The following PACRG variants were observed in gnomAD, a reference collection of about 807,000 sequenced individuals.
The protein encoded by PACRG is parkin coregulated.
In PACRG, 29 loss-of-function variants were observed where a neutral mutation model predicts 29.7. The ratio of observed to expected loss-of-function variants is 0.98; its 90% CI spans 0.73 to 1.33. The LOEUF (loss-of-function observed/expected upper bound fraction) is 1.33. Among genes scored for constraint, PACRG ranks in the 40% most tolerant of loss-of-function variants. The pLI is 0.00. For missense variants in PACRG, 279 were observed against 316.2 expected (o/e 0.88, Z 0.89); for synonymous variants, 116 against 118.7 (o/e 0.98, Z 0.15).
chr6:162,935,005 T>C (rs1486839608), intron 2 of PACRG, among the ~76,000 whole-genome samples: 1 of 152,218 alleles, frequency 6.6e-6, no homozygotes, highest in Non-Finnish European at 1.5e-5. Flanking sequence ...TTTGAAGATA[T>C]CATCCTGTTC....
chr6:162,938,384 A>G (rs915559899), intron 2 of PACRG, among the ~76,000 whole-genome samples: 4 of 152,226 alleles, frequency 2.6e-5, no homozygotes, highest in African/African-American at 9.6e-5. Flanking sequence ...TCTTTTTCGT[A>G]TAATGACTTC....
chr6:163,130,314 C>G (rs114717021), intron 4 of PACRG, among the ~76,000 whole-genome samples: 8 of 152,120 alleles, frequency 5.3e-5, no homozygotes, highest in South Asian at 2.1e-4. Flanking sequence ...TCCGGAGAAC[C>G]CTCCTTTCTC....
At chr6:163,081,593 C>T (rs1813080205) in intron 3 of PACRG, among the ~76,000 whole-genome samples, 1 of 152,022 alleles carries the variant, frequency 6.6e-6, no homozygotes, top group African/African-American at 2.4e-5. Flanking sequence ...CCCATCTCTA[C>T]AAATATAAAA....
intron 1 of PACRG, among the ~76,000 whole-genome samples, chr6:162,788,438 C>T (rs1229456032): frequency 6.6e-6 from 1 of 152,096 alleles, no homozygotes; most frequent in Non-Finnish European, 1.5e-5. Context: ...TGGTTCCTTC[C>T]AAGTTTTGGG....
chr6:163,260,127 C>T (rs1198167638), intron 4 of PACRG, among the ~76,000 whole-genome samples: 2 of 152,210 alleles, frequency 1.3e-5, no homozygotes, highest in African/African-American at 4.8e-5. Context: ...CTTCCCTTCC[C>T]GATGTTTTCC....
chr6:162,835,794 A>G (rs1789174966), intron 2 of PACRG, among the ~76,000 whole-genome samples: 1 of 152,148 alleles, frequency 6.6e-6, no homozygotes, highest in African/African-American at 2.4e-5. Flanking sequence ...CTACCATTGG[A>G]CACATTTCAA....
At chr6:163,078,070 A>G (rs1282745529) in intron 3 of PACRG, among the ~76,000 whole-genome samples, 1 of 152,204 alleles carries the variant, frequency 6.6e-6, no homozygotes, top group South Asian at 2.1e-4. Flanking sequence ...AACCAATTCT[A>G]TCACTCTTCT....
chr6:163,272,759 T>G (rs1008979330), intron 4 of PACRG, among the ~76,000 whole-genome samples: 1 of 152,154 alleles, frequency 6.6e-6, no homozygotes, highest in African/African-American at 2.4e-5. Context: ...GTCCAGTGCT[T>G]TATCAACATC....
chr6:162,769,720 A>G (rs919008590), intron 1 of PACRG, among the ~76,000 whole-genome samples: 1 of 151,848 alleles, frequency 6.6e-6, no homozygotes, highest in Admixed American at 6.6e-5. Context: ...ATTTTTCAGT[A>G]GATTTATATG....
chr6:163,007,736 G>T (rs1016590101), intron 2 of PACRG, among the ~76,000 whole-genome samples: 1 of 152,110 alleles, frequency 6.6e-6, no homozygotes, highest in African/African-American at 2.4e-5. Context: ...GTTGTTTCAG[G>T]CATAACAATT....
intron 2 of PACRG, among the ~76,000 whole-genome samples, chr6:162,993,295 T>G (rs1176085072): frequency 1.4e-5 from 2 of 141,072 alleles, no homozygotes; most frequent in Non-Finnish European, 1.5e-5. Flanking sequence ...CTGGGTATCC[T>G]TGTTGACTTT....
chr6:162,769,305 G>T (rs773839963), intron 1 of PACRG, among the ~76,000 whole-genome samples: 26 of 150,170 alleles, frequency 1.7e-4, no homozygotes, highest in Admixed American at 3.3e-4. Flanking sequence ...TTCAGCCACT[G>T]GGAGTTTCGA....
intron 2 of PACRG, among the ~76,000 whole-genome samples, chr6:162,927,793 AATT>A (rs1485297464): frequency 6.6e-6 from 1 of 150,818 alleles, no homozygotes; most frequent in East Asian, 2.0e-4. Context: ...TAGAACTTAA[AATT>A]AAAAAAAGCA....
At chr6:163,127,856 A>G (rs1816580085) in intron 4 of PACRG, among the ~76,000 whole-genome samples, 1 of 152,230 alleles carries the variant, frequency 6.6e-6, no homozygotes, top group Non-Finnish European at 1.5e-5. Flanking sequence ...TTATAAATTA[A>G]CAGATCCAGT....
intron 2 of PACRG, among the ~76,000 whole-genome samples, chr6:162,822,546 C>T (rs1787928702): frequency 6.6e-6 from 1 of 152,198 alleles, no homozygotes; most frequent in South Asian, 2.1e-4. Flanking sequence ...AATACTCCTA[C>T]AGAATTTCCA....
chr6:163,084,454 G>T (rs758243885), intron 3 of PACRG, among the ~76,000 whole-genome samples: 2 of 152,110 alleles, frequency 1.3e-5, no homozygotes, highest in African/African-American at 2.4e-5. Context: ...AAGAGAAAAT[G>T]GGCAGTGTAA....
chr6:162,905,490 C>T (rs926450263), intron 2 of PACRG, among the ~76,000 whole-genome samples: 1 of 152,056 alleles, frequency 6.6e-6, no homozygotes, highest in African/African-American at 2.4e-5. Context: ...TCCCGCAGCT[C>T]GTCTAATTCC....
At chr6:163,121,667 T>G (rs1013664047) in intron 4 of PACRG, among the ~76,000 whole-genome samples, 6 of 148,800 alleles carry the variant, frequency 4.0e-5, no homozygotes, top group African/African-American at 1.5e-4. Flanking sequence ...GGTAATCTTT[T>G]TTTTTTTTTT....
At chr6:162,814,392 A>G (rs879181456) in intron 2 of PACRG, 111 bp downstream of exon 2, 107 of 1,361,686 alleles carry the variant, frequency 7.9e-5, no homozygotes, top group South Asian at 1.6e-4. Flanking sequence ...TTCTCAGCAC[A>G]TGGAAGATGG....
Sources: allele counts gnomAD v4.1 joint callset (sites outside exome capture counted in the v4.1 genomes callset), GRCh38; gene constraint gnomAD v4.1.1; transcripts MANE v1.5; gene names NCBI Gene and HGNC (gene_info 2026-07-23, HGNC 2026-07-21).